DST: variants seen among roughly 807,000 people sequenced by gnomAD.
The protein encoded by DST is dystonin, also known as bullous pemphigoid antigen.
Under a neutral mutation model 875.2 loss-of-function variants are expected in DST, and 253 were observed. That is an observed-to-expected ratio of 0.29 (90% confidence interval 0.26 to 0.32). The LOEUF (loss-of-function observed/expected upper bound fraction) is 0.32. Among genes scored for constraint, DST ranks in the 10% least tolerant of loss-of-function variants. DST has a pLI of 1.00. For missense variants in DST, 8,287 were observed against 9,111.6 expected (o/e 0.91, Z 3.68); for synonymous variants, 3,124 against 3,197.1 (o/e 0.98, Z 0.77).
Position 56,607,505 on chromosome 6 carries a change from C to T in DST, c.7123G>A (p.Val2375Met). 2 of 1,598,426 alleles carry T rather than the reference C, an allele frequency of 1.3e-6. No individual in the cohort carries two copies. The highest frequency in any genetic ancestry group is 2.2e-5 in the South Asian group (2 of 89,588). ...TCATTTGCACGTTCATTTGTTTCCA[C>T]TCGGCTTTGATTTTCATAGTTTGTA... ...ILTNYENQSR[V>M]ETNERANECS... Residue 2375 changes from valine to methionine, a missense_variant, in exon 40 of 104, where the codon GTG (valine) becomes ATG (methionine). By Grantham distance (21) the Val-to-Met change is conservative. Transcript: ENST00000680361.
chr6:56,880,667 A>T (rs2127634122), intron 3 of DST, among the ~76,000 whole-genome samples: 1 of 151,228 alleles, frequency 6.6e-6, no homozygotes, highest in East Asian at 1.9e-4. Flanking sequence ...AGCCTGGATG[A>T]CAGAGTGAGA....
At chr6:56,638,122 A>AT (rs2098844140) in intron 22 of DST, among the ~76,000 whole-genome samples, 1 of 152,096 alleles carries the variant, frequency 6.6e-6, no homozygotes, top group South Asian at 2.1e-4. Context: ...TTAAATTATA[A>AT]TTTTTACATA....
Position 56,494,033 on chromosome 6 carries a change from C to T in DST, c.20371G>A (p.Glu6791Lys), listed in dbSNP as rs2095836264. The T allele has an allele frequency of 6.3e-7, 1 of 1,598,334 alleles. No homozygotes were observed. Among genetic ancestry groups the T allele is most frequent in the East Asian group, 2.2e-5 (1 of 44,620 alleles). Reference protein sequence around the residue: ...NNLKEKWESVETKLNERKTKL... With the variant: ...NNLKEKWESVKTKLNERKTKL... ...ACTTTCCTTTCATTGAGTTTGGTTTCCACCGATTCCCATTTTTCTTTCAAG... is the reference window on the plus strand; with the variant it reads ...ACTTTCCTTTCATTGAGTTTGGTTTTCACCGATTCCCATTTTTCTTTCAAG... Residue 6791 changes from glutamate to lysine, a missense_variant, in exon 83 of 104, where the codon GAA (glutamate) becomes AAA (lysine). Around this residue, in one of 10 missense-constraint regions of DST, gnomAD observed 1,292 missense variants for 1,552.7 expected, o/e 0.83. Transcript: ENST00000680361.
At chr6:56,515,389 C>T (rs1254300730) in intron 72 of DST, 61 bp downstream of exon 72, 2 of 1,568,776 alleles carry the variant, frequency 1.3e-6, no homozygotes, top group Non-Finnish European at 1.7e-6. Flanking sequence ...TAAAAACCAC[C>T]ATAAAAATCA....
chr6:56,805,722 T>C (rs1424915869), intron 4 of DST, among the ~76,000 whole-genome samples: 1 of 152,208 alleles, frequency 6.6e-6, no homozygotes, highest in Non-Finnish European at 1.5e-5. Flanking sequence ...ACTAGTATCA[T>C]TCCCATTTCA....
At chr6:56,603,792 T>G in intron 40 of DST, 45 bp downstream of exon 40, 2 of 1,584,410 alleles carry the variant, frequency 1.3e-6, no homozygotes, top group Non-Finnish European at 1.7e-6. Context: ...TATTCTCACA[T>G]GGTTCATGCA....
At chr6:56,725,043 A>C (rs13213878) in intron 5 of DST, among the ~76,000 whole-genome samples, 38,194 of 151,996 alleles carry the variant, frequency 0.25, 6,523 homozygotes, top group African/African-American at 0.48. Context: ...AATATAACCC[A>C]AATAAGAGGG....
At chr6:56,656,870 T>A (rs1337371221) in intron 10 of DST, among the ~76,000 whole-genome samples, 1 of 152,216 alleles carries the variant, frequency 6.6e-6, no homozygotes, top group Non-Finnish European at 1.5e-5. Flanking sequence ...TATGTATGTG[T>A]GTGTATTGAC....
chr6:56,618,210 G>A, intron 36 of DST: 1 of 1,614,138 alleles, frequency 6.2e-7, no homozygotes, highest in Non-Finnish European at 8.5e-7. Context: ...GGAGCCCCTG[G>A]TGGCTGGAAT....
At chr6:56,551,906 T>G (rs1371311638) in intron 61 of DST, among the ~76,000 whole-genome samples, 1 of 152,134 alleles carries the variant, frequency 6.6e-6, no homozygotes, top group African/African-American at 2.4e-5. Context: ...ATTCCAGAAA[T>G]GGACCCTATG....
At chr6:56,467,974 T>A (rs1339016813) in intron 98 of DST, among the ~76,000 whole-genome samples, 2 of 152,180 alleles carry the variant, frequency 1.3e-5, no homozygotes, top group African/African-American at 4.8e-5. Flanking sequence ...ATAGTATAAC[T>A]AATGGAAGTT....
intron 3 of DST, among the ~76,000 whole-genome samples, chr6:56,897,377 G>A (rs1408240048): frequency 6.6e-6 from 1 of 151,728 alleles, no homozygotes; most frequent in African/African-American, 2.4e-5. Flanking sequence ...TATTGCCAAG[G>A]CTGGAGTGCA....
In DST at chr6:56,607,145, C is replaced by G; in HGVS notation, c.7483G>C (p.Ala2495Pro). 6.2e-7 allele frequency: 1 copy of G among 1,613,358 alleles called. No individual in the cohort carries two copies. The highest frequency in any genetic ancestry group is 8.5e-7 in the Non-Finnish European group (1 of 1,179,588). The change falls in exon 40 of 104, where the codon GCT (alanine) becomes CCT (proline). Residue 2495 changes from alanine to proline, a missense_variant. This residue lies in a region of DST where 3,138 missense variants were observed against 3,116.6 expected (regional missense o/e 1.01). Coordinates refer to ENST00000680361, the MANE Select transcript of DST (RefSeq NM_001374736.1). ...KFQDQFLGIA[A>P]INISLPGEQY... ...TCTCCTGGTAAACTGATGTTAATAG[C>G]TGCAATTCCCAGAAACTGGTCTTGA...
intron 55 of DST, among the ~76,000 whole-genome samples, chr6:56,565,275 C>G: frequency 6.6e-6 from 1 of 151,958 alleles, no homozygotes; most frequent in Non-Finnish European, 1.5e-5. Flanking sequence ...CACCCACCAC[C>G]AAGCCCAGTT....
intron 2 of DST, among the ~76,000 whole-genome samples, chr6:56,903,882 C>T (rs1795207125): frequency 6.6e-6 from 1 of 152,182 alleles, no homozygotes; most frequent in South Asian, 2.1e-4. Flanking sequence ...TTTACTTGTA[C>T]TATTTTAAAA....
rs749337601 is a variant in DST at position 56,508,673 on chromosome 6, C to T, written c.19095G>A (p.Leu6365=). 5 of 1,613,846 alleles carry T rather than the reference C, an allele frequency of 3.1e-6. No homozygotes were observed. In the South Asian group the frequency reaches 3.3e-5, roughly 11 times the overall value. The part of the protein sequence containing the change: ...TLVEEREAKL[L]DVMELAEKFW... ...ACTTTTCTGCTAGCTCCATCACATCCAGTAGTTTGGCTTCCCTCTCTTCCA... is the reference window on the plus strand; with the variant it reads ...ACTTTTCTGCTAGCTCCATCACATCTAGTAGTTTGGCTTCCCTCTCTTCCA... The change falls in exon 75 of 104, where the codon CTG becomes CTA. Residue 6365 remains leucine (L), a synonymous_variant. Transcript: ENST00000680361.
At chr6:56,612,806 C>G (rs2098556068) in intron 37 of DST, among the ~76,000 whole-genome samples, 1 of 152,064 alleles carries the variant, frequency 6.6e-6, no homozygotes, top group Non-Finnish European at 1.5e-5. Context: ...ATCTAGGGTA[C>G]TAGGTCTAAA....
chr6:56,636,753 AGAT>A, intron 22 of DST, 101 bp from the exon 23 acceptor site: 2 of 977,900 alleles, frequency 2.0e-6, no homozygotes, highest in Non-Finnish European at 3.2e-6. Context: ...CTATCTAAAT[AGAT>A]GACCAATTGT....
rs1237616336 is a variant in DST at position 56,833,215 on chromosome 6, A to C, written c.625+18182T>G. 2.0e-5 allele frequency among the ~76,000 whole-genome samples: 3 copies of C among 152,242 alleles called. No individual in the cohort carries two copies. In the East Asian group the frequency reaches 5.8e-4, roughly 29 times the overall value. On this transcript the variant is annotated intron_variant, in intron 4 of 103. Coordinates refer to ENST00000680361, the MANE Select transcript of DST (RefSeq NM_001374736.1). Reference sequence around the variant, plus strand: ...CTTCTAAAATATGTTAACAGAAAAAAAGCAAATAATCTTGCTGTAACTCAA... The same window carrying C: ...CTTCTAAAATATGTTAACAGAAAAACAGCAAATAATCTTGCTGTAACTCAA...
Sources: allele counts gnomAD v4.1 joint callset (sites outside exome capture counted in the v4.1 genomes callset), GRCh38; gene constraint gnomAD v4.1.1; regional missense constraint gnomAD v4.1.1; transcripts MANE v1.5; gene names NCBI Gene and HGNC (gene_info 2026-07-23, HGNC 2026-07-21).